Variants in NEGR1 observed in about 807,000 individuals in gnomAD.
NEGR1 encodes the protein neuronal growth regulator 1, also known as IgLON family member 4.
In NEGR1, 10 loss-of-function variants were observed where a neutral mutation model predicts 40.9. The ratio of observed to expected loss-of-function variants is 0.24; its 90% CI spans 0.15 to 0.42. NEGR1 has a LOEUF of 0.42. Among genes scored for constraint, NEGR1 ranks in the 10% least tolerant of loss-of-function variants. NEGR1 has a pLI of 1.00. For missense variants in NEGR1, 352 were observed against 438.9 expected, an observed-to-expected ratio of 0.80 and a Z score of 1.77; for synonymous variants, 185 against 166.8, an observed-to-expected ratio of 1.11 and a Z score of -0.84.
At chr1:71,956,393 C>A (rs1385479401) in intron 1 of NEGR1, among the ~76,000 whole-genome samples, 2 of 152,064 alleles carry the variant, frequency 1.3e-5, no homozygotes, top group Admixed American at 1.3e-4. Context: ...ACCAAGAGAA[C>A]AATAATGAAG....
At chr1:71,623,448 T>G (rs1650671477) in intron 4 of NEGR1, among the ~76,000 whole-genome samples, 1 of 151,950 alleles carries the variant, frequency 6.6e-6, no homozygotes, top group Non-Finnish European at 1.5e-5. Context: ...ACAGAGGTAG[T>G]AACTGTGCAA....
chr1:72,100,778 T>G (rs1336579737), intron 1 of NEGR1: 1 of 152,192 alleles, frequency 6.6e-6, no homozygotes, highest in Non-Finnish European at 1.5e-5. Flanking sequence ...CATAACAAAA[T>G]CCACAGATTG....
intron 1 of NEGR1, among the ~76,000 whole-genome samples, chr1:71,982,009 T>G (rs1646358682): frequency 6.6e-6 from 1 of 152,186 alleles, no homozygotes; most frequent in African/African-American, 2.4e-5. Flanking sequence ...CATTTTTTTG[T>G]TTTTGTTTTT....
chr1:71,999,920 T>C lies in NEGR1; in HGVS notation c.177-64609A>G, dbSNP rs186111400. 2.4e-3 allele frequency among the ~76,000 whole-genome samples: 361 copies of C among 151,724 alleles called. 1 individual carries two copies. Among genetic ancestry groups the C allele is most frequent in the Middle Eastern group, 0.014 (4 of 294 alleles). ...TCTCTGAAGACTTAGAATATAATAG[T>C]ATATCCATATTTGAGCCATGCATAT... On this transcript the variant is annotated intron_variant, in intron 1 of 6. Transcript: ENST00000357731.
chr1:71,676,756 A>G (rs918161299), intron 4 of NEGR1, among the ~76,000 whole-genome samples: 2 of 152,200 alleles, frequency 1.3e-5, no homozygotes, highest in Admixed American at 1.3e-4. Flanking sequence ...TTTACTCTCT[A>G]AGCCCCCTTT....
At chr1:72,117,304 T>A (rs1207999644) in intron 1 of NEGR1, among the ~76,000 whole-genome samples, 1 of 151,842 alleles carries the variant, frequency 6.6e-6, no homozygotes, top group African/African-American at 2.4e-5. Context: ...TTTGTTTGTT[T>A]GTTTGTTTGT....
At chr1:71,671,386 G>A (rs904173081) in intron 4 of NEGR1, among the ~76,000 whole-genome samples, 1 of 152,004 alleles carries the variant, frequency 6.6e-6, no homozygotes, top group Non-Finnish European at 1.5e-5. Context: ...GTAAAATGAA[G>A]GAAACTGGCA....
intron 1 of NEGR1, among the ~76,000 whole-genome samples, chr1:72,239,411 A>T (rs1208821900): frequency 6.6e-6 from 1 of 151,742 alleles, no homozygotes; most frequent in Non-Finnish European, 1.5e-5. Flanking sequence ...TTTGTATTTT[A>T]CTTGTTTTGT....
At chr1:71,527,677 A>T (rs1418229502) in intron 6 of NEGR1, among the ~76,000 whole-genome samples, 1 of 151,262 alleles carries the variant, frequency 6.6e-6, no homozygotes, top group Non-Finnish European at 1.5e-5. Flanking sequence ...TTTCTAAAGC[A>T]TTCATTCACT....
intron 3 of NEGR1, among the ~76,000 whole-genome samples, chr1:71,766,954 T>C (rs1366204869): frequency 2.0e-5 from 3 of 152,210 alleles, no homozygotes; most frequent in Non-Finnish European, 4.4e-5. Flanking sequence ...GTAAGTATCC[T>C]AAGGCCTCTC....
chr1:71,986,311 C>A (rs1646393457), intron 1 of NEGR1, among the ~76,000 whole-genome samples: 1 of 152,184 alleles, frequency 6.6e-6, no homozygotes, highest in Non-Finnish European at 1.5e-5. Flanking sequence ...CACAATAGTG[C>A]ATTATGAGAC....
intron 1 of NEGR1, among the ~76,000 whole-genome samples, chr1:72,093,343 A>AC (rs397980490): frequency 2.6e-5 from 4 of 151,340 alleles, no homozygotes; most frequent in Non-Finnish European, 5.9e-5. Context: ...AAAAAAAAAA[A>AC]GATGCTCAAA....
chr1:72,098,849 G>T (rs1295633769), intron 1 of NEGR1, among the ~76,000 whole-genome samples: 1 of 152,024 alleles, frequency 6.6e-6, no homozygotes, highest in Non-Finnish European at 1.5e-5. Context: ...TTACATCTGT[G>T]TTAAACTTCA....
chr1:71,676,393 ATCT>A (rs5775081), intron 4 of NEGR1, among the ~76,000 whole-genome samples: 149,638 of 152,170 alleles, frequency 0.98, 73,614 homozygotes, highest in Middle Eastern at 1. Context: ...CTCATTTCAT[ATCT>A]TTGCTAAACC....
intron 2 of NEGR1, among the ~76,000 whole-genome samples, chr1:71,843,946 C>T (rs534667813): frequency 6.6e-6 from 1 of 152,232 alleles, no homozygotes; most frequent in South Asian, 2.1e-4. Context: ...TGAAATATCT[C>T]TCTCCCTACA....
chr1:71,921,362 C>T (rs1043501615), intron 2 of NEGR1, among the ~76,000 whole-genome samples: 6 of 152,004 alleles, frequency 3.9e-5, no homozygotes, highest in Non-Finnish European at 7.4e-5. Context: ...AATCTAAGTA[C>T]ATTTGACCTT....
Position 71,939,936 on chromosome 1 carries a change from G to A in NEGR1, c.177-4625C>T, listed in dbSNP as rs536982027. On this transcript the variant is annotated intron_variant, in intron 1 of 6. Transcript: ENST00000357731. ...TTTTAGATGAAGAAGCAAAGGTACT[G>A]GCAGGTTGTGATTGAACAAAGCCAG... 1.5e-3 allele frequency among the ~76,000 whole-genome samples: 227 copies of A among 152,254 alleles called. 3 individuals carry two copies. Among genetic ancestry groups the A allele is most frequent in the Non-Finnish European group, 2.0e-3 (134 of 68,016 alleles).
intron 1 of NEGR1, among the ~76,000 whole-genome samples, chr1:72,258,961 A>C (rs192965594): frequency 2.6e-5 from 4 of 152,278 alleles, no homozygotes; most frequent in Non-Finnish European, 5.9e-5. Flanking sequence ...CATTAAGAAC[A>C]GGAAGAAAAA....
At chr1:72,190,512 T>C (rs1652782708) in intron 1 of NEGR1, among the ~76,000 whole-genome samples, 1 of 151,638 alleles carries the variant, frequency 6.6e-6, no homozygotes, top group African/African-American at 2.4e-5. Context: ...AATTTTAATG[T>C]TCCATTTTTA....
Sources: gnomAD v4.1 joint callset for allele counts (sites outside exome capture counted in the v4.1 genomes callset) on GRCh38, gnomAD v4.1.1 for gene constraint, MANE v1.5 for transcripts, NCBI Gene and HGNC (gene_info 2026-07-23, HGNC 2026-07-21) for gene names.